The following COL5A2 variants were observed in gnomAD, a reference collection of about 807,000 sequenced individuals.
COL5A2 encodes the protein collagen type V alpha 2 chain.
Under a neutral mutation model 208.2 loss-of-function variants are expected in COL5A2, and 23 were observed. The ratio of observed to expected loss-of-function variants is 0.11; its 90% CI spans 0.08 to 0.16. The LOEUF is 0.16. COL5A2 is among the 10% of genes least tolerant of loss of function. The pLI, the probability that COL5A2 is intolerant of heterozygous loss-of-function variation, is 1.00. For synonymous variants in COL5A2, 625 were observed against 628.5 expected (o/e 0.99, Z 0.08); for missense variants, 1,590 against 1,956.4 (o/e 0.81, Z 3.53).
chr2:189,324,550 C>A, the COL5A2 span, among the ~76,000 whole-genome samples: 5 of 152,274 alleles, frequency 3.3e-5, no homozygotes, highest in South Asian at 1.0e-3. Context: ...ATGCAGCCAA[C>A]AGACACATGA....
intron 45 of COL5A2, among the ~76,000 whole-genome samples, chr2:189,047,610 C>G (rs1450406846): frequency 6.6e-6 from 1 of 152,172 alleles, no homozygotes; most frequent in Non-Finnish European, 1.5e-5. Context: ...GGCTCCAAAG[C>G]CCATTCTGCT....
intron 26 of COL5A2, 140 bp from the exon 27 acceptor site, chr2:189,063,410 G>C: frequency 1.4e-6 from 1 of 729,976 alleles, no homozygotes; most frequent in Non-Finnish European, 2.4e-6. Context: ...AATCAGGACA[G>C]TTGAATGGGT....
At chr2:189,085,692 G>T in intron 10 of COL5A2, 27 bp downstream of exon 10, 1 of 1,603,644 alleles carries the variant, frequency 6.2e-7, no homozygotes, top group South Asian at 1.1e-5. Context: ...AAATGTAACT[G>T]GGTCTACATG....
intron 1 of COL5A2, among the ~76,000 whole-genome samples, chr2:189,136,653 GAGAT>G (rs1040493642): frequency 2.6e-5 from 4 of 151,426 alleles, no homozygotes; most frequent in African/African-American, 9.7e-5. Context: ...GTGGGGAAAA[GAGAT>G]AGTCAAATTT....
intron 50 of COL5A2, 60 bp from the exon 51 acceptor site, chr2:189,039,623 A>G: frequency 1.3e-6 from 2 of 1,546,880 alleles, no homozygotes; most frequent in Non-Finnish European, 1.8e-6. Flanking sequence ...CTTAACTGGT[A>G]GAACTTGGTT....
chr2:189,135,131 A>T (rs959385167), intron 1 of COL5A2, among the ~76,000 whole-genome samples: 6 of 152,310 alleles, frequency 3.9e-5, no homozygotes, highest in Middle Eastern at 3.4e-3. Flanking sequence ...TTCAGCTTAC[A>T]TCATGGCTGT....
intron 33 of COL5A2, 64 bp downstream of exon 33, chr2:189,058,362 CCAT>C (rs1391313873): frequency 8.5e-7 from 1 of 1,180,874 alleles, no homozygotes; most frequent in African/African-American, 1.5e-5. Flanking sequence ...CATTCTCACA[CCAT>C]CATGCGTTTA....
the COL5A2 span, among the ~76,000 whole-genome samples, chr2:189,278,441 T>G: frequency 1.3e-5 from 2 of 152,118 alleles, no homozygotes; most frequent in African/African-American, 4.8e-5. Context: ...ACGTATTGTA[T>G]ATCAGCAATC....
the COL5A2 span, among the ~76,000 whole-genome samples, chr2:189,270,227 G>A: frequency 1.3e-5 from 2 of 151,852 alleles, no homozygotes; most frequent in Non-Finnish European, 1.5e-5. Context: ...TTCGCATCTC[G>A]ATCTCTTTCA....
the COL5A2 span, among the ~76,000 whole-genome samples, chr2:189,320,291 C>T: frequency 2.0e-5 from 3 of 152,200 alleles, no homozygotes; most frequent in Non-Finnish European, 2.9e-5. Context: ...AGCTCCTCAC[C>T]AGCAACAGAA....
intron 1 of COL5A2, among the ~76,000 whole-genome samples, chr2:189,195,371 G>A (rs183091992): frequency 6.6e-6 from 1 of 152,146 alleles, no homozygotes; most frequent in Non-Finnish European, 1.5e-5. Flanking sequence ...TTAATATCGT[G>A]AAAATGGCCA....
chr2:189,147,689 G>A (rs1688066004), intron 1 of COL5A2, among the ~76,000 whole-genome samples: 1 of 152,012 alleles, frequency 6.6e-6, no homozygotes, highest in Non-Finnish European at 1.5e-5. Context: ...AATACTGAGG[G>A]CTTCCTAGGA....
At chr2:189,258,058 G>T in the COL5A2 span, among the ~76,000 whole-genome samples, 1 of 152,158 alleles carries the variant, frequency 6.6e-6, no homozygotes, top group Non-Finnish European at 1.5e-5. Context: ...AGCTTGCAGT[G>T]AGCCGATATC....
chr2:189,293,935 A>T, the COL5A2 span, among the ~76,000 whole-genome samples: 2 of 152,086 alleles, frequency 1.3e-5, no homozygotes, highest in African/African-American at 2.4e-5. Context: ...CAAAATACAA[A>T]AAATTAGCCG....
chr2:189,222,151 T>G (rs1429050191), intron 1 of COL5A2, among the ~76,000 whole-genome samples: 2 of 152,188 alleles, frequency 1.3e-5, no homozygotes, highest in African/African-American at 4.8e-5. Flanking sequence ...CTCAAACAGA[T>G]GCTAATTAGT....
At chr2:189,428,194 T>G in the COL5A2 span, among the ~76,000 whole-genome samples, 2 of 152,168 alleles carry the variant, frequency 1.3e-5, no homozygotes, top group Non-Finnish European at 2.9e-5. Flanking sequence ...CCTGCCCAGA[T>G]CTCATGTTAA....
chr2:189,176,138 C>T (rs538348226), intron 1 of COL5A2, among the ~76,000 whole-genome samples: 7 of 152,068 alleles, frequency 4.6e-5, no homozygotes, highest in Non-Finnish European at 1.0e-4. Flanking sequence ...ATGCAAGAGA[C>T]CATGACATAT....
chr2:189,133,982 G>C (rs1463471842), intron 1 of COL5A2, among the ~76,000 whole-genome samples: 2 of 151,954 alleles, frequency 1.3e-5, no homozygotes, highest in East Asian at 3.9e-4. Context: ...CAGCCATACA[G>C]AATTGCTTGA....
chr2:189,348,663 G>A, the COL5A2 span, among the ~76,000 whole-genome samples: 1 of 152,082 alleles, frequency 6.6e-6, no homozygotes, highest in South Asian at 2.1e-4. Context: ...TGAAAAAATG[G>A]GATGCAACTC....
Sources: allele counts gnomAD v4.1 joint callset (sites outside exome capture counted in the v4.1 genomes callset), GRCh38; gene constraint gnomAD v4.1.1; transcripts MANE v1.5; gene names NCBI Gene and HGNC (gene_info 2026-07-23, HGNC 2026-07-21).